The following FRMD4B variants were observed in gnomAD, a reference collection of about 807,000 sequenced individuals.
FRMD4B encodes the protein FERM domain containing 4B.
FRMD4B carries 74 observed loss-of-function variants against 141.5 expected under a neutral mutation model. That is an observed-to-expected ratio of 0.52 (90% CI 0.43 to 0.63). The LOEUF is 0.63. FRMD4B is among the 30% of genes least tolerant of loss of function. The pLI is 0.00. For missense variants in FRMD4B, 1,366 were observed against 1,253.4 expected (o/e 1.09, Z -1.36); for synonymous variants, 506 against 467.9 (o/e 1.08, Z -1.05).
chr3:69,236,526 G>A (rs2093346758), intron 7 of FRMD4B, among the ~76,000 whole-genome samples: 1 of 152,140 alleles, frequency 6.6e-6, no homozygotes, highest in African/African-American at 2.4e-5. Flanking sequence ...ACCGTGCCCG[G>A]CCCCAAATTT....
At chr3:69,342,883 AC>A (rs1702784049) in intron 1 of FRMD4B, among the ~76,000 whole-genome samples, 1 of 152,180 alleles carries the variant, frequency 6.6e-6, no homozygotes, top group Non-Finnish European at 1.5e-5. Flanking sequence ...GCATCCTTTA[AC>A]AAACACTAGA....
intron 1 of FRMD4B, among the ~76,000 whole-genome samples, chr3:69,480,375 A>T (rs1706098740): frequency 6.6e-6 from 1 of 151,944 alleles, no homozygotes; most frequent in Non-Finnish European, 1.5e-5. Flanking sequence ...TGATGTTCAG[A>T]TGGGTTTTTG....
rs10554375 is a variant in FRMD4B at position 69,329,516 on chromosome 3, A to ATTTTTTT, written c.163-16006_163-16000dup. Among the ~76,000 whole-genome samples the ATTTTTTT allele has an allele frequency of 3.6e-4, 20 of 55,576 alleles. 1 individual carries two copies. Among genetic ancestry groups the ATTTTTTT allele is most frequent in the East Asian group, 1.0e-3 (2 of 1,960 alleles). The allele number at this position is 55,576 out of a possible 152,430, so 36.5% of individuals were successfully genotyped here. A position where few individuals can be genotyped will look rare whatever the true frequency, so the allele number is the denominator to read the frequency against. ...AGGCATGCACCACCATGCCCAGCTA[A>ATTTTTTT]TTTTTTTTTTTTTTTTTTTTTTTTT... On this transcript the variant is annotated intron_variant, in intron 1 of 22. Transcript: ENST00000398540.
intron 7 of FRMD4B, among the ~76,000 whole-genome samples, chr3:69,242,370 G>A (rs1023936257): frequency 6.6e-6 from 1 of 151,470 alleles, no homozygotes; most frequent in South Asian, 2.1e-4. Context: ...AAGTGCTCCA[G>A]AGGTGTAATA....
chr3:69,363,471 G>A (rs1350335386), intron 1 of FRMD4B, among the ~76,000 whole-genome samples: 1 of 149,178 alleles, frequency 6.7e-6, no homozygotes, highest in African/African-American at 2.5e-5. Flanking sequence ...CTCACTGCAA[G>A]CTCCGCCTCC....
At chr3:69,224,564 G>C in intron 8 of FRMD4B, 43 bp downstream of exon 8, 2 of 858,662 alleles carry the variant, frequency 2.3e-6, no homozygotes, top group Non-Finnish European at 3.9e-6. Context: ...GTTCTGAATG[G>C]AGGCTATGAA....
intron 7 of FRMD4B, among the ~76,000 whole-genome samples, chr3:69,232,028 G>T (rs1322407630): frequency 6.6e-6 from 1 of 152,188 alleles, no homozygotes; most frequent in African/African-American, 2.4e-5. Context: ...GGCCGGCTGG[G>T]CAGGAGGCAT....
chr3:69,499,819 T>G (rs1706463023), intron 1 of FRMD4B, among the ~76,000 whole-genome samples: 1 of 151,874 alleles, frequency 6.6e-6, no homozygotes, highest in Admixed American at 6.6e-5. Context: ...AATGATAGAG[T>G]GTGTTTTAGT....
At chr3:69,388,250 AG>A (rs1159792347), upstream of FRMD4B, among the ~76,000 whole-genome samples, 3 of 152,326 alleles carry the variant, frequency 2.0e-5, no homozygotes, top group African/African-American at 7.2e-5. Flanking sequence ...ATCTGTGCGT[AG>A]GTCTAATGTC....
chr3:69,426,107 G>A (rs61255780), intron 2 of FRMD4B, among the ~76,000 whole-genome samples: 1,735 of 152,280 alleles, frequency 0.011, 36 homozygotes, highest in African/African-American at 0.039. Context: ...TTTTAAAACA[G>A]GGCATATGCC....
chr3:69,186,459 C>T (rs1460181580), intron 19 of FRMD4B, among the ~76,000 whole-genome samples: 1 of 152,094 alleles, frequency 6.6e-6, no homozygotes, highest in Admixed American at 6.5e-5. Context: ...TGCCTGTAAT[C>T]CCAGCACTTT....
chr3:69,391,496 C>T (rs1481467464), intron 2 of FRMD4B, among the ~76,000 whole-genome samples: 1 of 150,858 alleles, frequency 6.6e-6, no homozygotes, highest in Admixed American at 6.7e-5. Flanking sequence ...AGAACCTGCG[C>T]TGTTTGGTTT....
At chr3:69,471,660 G>T in intron 1 of FRMD4B, 1 of 175,792 alleles carries the variant, frequency 5.7e-6, no homozygotes, top group South Asian at 1.4e-4. Flanking sequence ...AGCTCTAAAT[G>T]AAGAGCATGT....
At chr3:69,343,682 T>C (rs1478416634) in intron 1 of FRMD4B, among the ~76,000 whole-genome samples, 1 of 150,078 alleles carries the variant, frequency 6.7e-6, no homozygotes. Flanking sequence ...CGGGTTCAAG[T>C]GATTCCCCTG....
At chr3:69,517,875 T>G (rs969365636) in intron 1 of FRMD4B, among the ~76,000 whole-genome samples, 2 of 152,052 alleles carry the variant, frequency 1.3e-5, no homozygotes, top group Non-Finnish European at 2.9e-5. Flanking sequence ...GTTTTCATAC[T>G]TAAGTGTCCA....
At chr3:69,174,074 T>G (rs538423766) in intron 22 of FRMD4B, among the ~76,000 whole-genome samples, 1 of 151,620 alleles carries the variant, frequency 6.6e-6, no homozygotes, top group South Asian at 2.1e-4. Flanking sequence ...GTGGCAGAGG[T>G]TGCAGTGAGC....
chr3:69,191,030 C>A (rs894925596), intron 17 of FRMD4B, among the ~76,000 whole-genome samples: 3 of 152,202 alleles, frequency 2.0e-5, no homozygotes, highest in Non-Finnish European at 4.4e-5. Flanking sequence ...GACAAATGCT[C>A]AGTAAATGTT....
intron 1 of FRMD4B, among the ~76,000 whole-genome samples, chr3:69,491,155 C>T (rs1297208398): frequency 4.6e-5 from 7 of 152,250 alleles, no homozygotes; most frequent in Admixed American, 1.3e-4. Flanking sequence ...AAAATCAAAG[C>T]GGAGTCTGTC....
chr3:69,203,042 A>G (rs2092984873), intron 11 of FRMD4B, among the ~76,000 whole-genome samples: 1 of 152,008 alleles, frequency 6.6e-6, no homozygotes, highest in African/African-American at 2.4e-5. Flanking sequence ...AACTGTATAA[A>G]ATATTGTCAT....
Sources: gnomAD v4.1 joint callset for allele counts (sites outside exome capture counted in the v4.1 genomes callset) on GRCh38, gnomAD v4.1.1 for gene constraint, MANE v1.5 for transcripts, NCBI Gene and HGNC (gene_info 2026-07-23, HGNC 2026-07-21) for gene names.